The following SPATA17 variants were observed in gnomAD, a reference collection of about 807,000 sequenced individuals.
The protein encoded by SPATA17 is spermatogenesis-associated protein 17.
A neutral mutation model predicts 62.2 loss-of-function variants in SPATA17; 53 were observed. That is an observed-to-expected ratio of 0.85 (90% CI 0.68 to 1.07). The LOEUF (loss-of-function observed/expected upper bound fraction) is 1.07, where lower values mean the gene tolerates loss of function less well. SPATA17 is among the 50% of genes least tolerant of loss of function. The pLI, the probability that SPATA17 is intolerant of heterozygous loss-of-function variation, is 0.00. For synonymous variants in SPATA17, 146 were observed against 146.8 expected, an observed-to-expected ratio of 0.99 and a Z score of 0.04; for missense variants, 466 against 425.5, an observed-to-expected ratio of 1.10 and a Z score of -0.84.
At chr1:217,770,254 T>G (rs1673407273) in intron 6 of SPATA17, among the ~76,000 whole-genome samples, 1 of 152,208 alleles carries the variant, frequency 6.6e-6, no homozygotes, top group African/African-American at 2.4e-5. Context: ...AAATTTTTAA[T>G]CAAGAGGCAA....
intron 5 of SPATA17, among the ~76,000 whole-genome samples, chr1:217,714,746 A>G (rs1367249205): frequency 6.6e-6 from 1 of 151,950 alleles, no homozygotes; most frequent in Non-Finnish European, 1.5e-5. Context: ...CGGCCTCCCA[A>G]AGTGCTGGGA....
intron 6 of SPATA17, among the ~76,000 whole-genome samples, chr1:217,766,585 T>C (rs961201340): frequency 2.6e-5 from 4 of 152,078 alleles, no homozygotes; most frequent in African/African-American, 9.7e-5. Flanking sequence ...CGCTATTATT[T>C]TGAACAAACT....
At chr1:217,824,797 G>A (rs1302566866) in intron 9 of SPATA17, among the ~76,000 whole-genome samples, 2 of 150,726 alleles carry the variant, frequency 1.3e-5, no homozygotes, top group African/African-American at 2.4e-5. Flanking sequence ...AAACTTTTAG[G>A]TTAATAATAT....
chr1:217,843,484 A>C (rs1675457852), intron 9 of SPATA17, among the ~76,000 whole-genome samples: 1 of 151,988 alleles, frequency 6.6e-6, no homozygotes, highest in African/African-American at 2.4e-5. Context: ...TGATACATGG[A>C]ATATATCATG....
intron 9 of SPATA17, among the ~76,000 whole-genome samples, chr1:217,805,362 A>G (rs907230371): frequency 6.6e-6 from 1 of 152,184 alleles, no homozygotes; most frequent in Non-Finnish European, 1.5e-5. Context: ...AATGGTGGTT[A>G]CTAGGAACTT....
intron 3 of SPATA17, among the ~76,000 whole-genome samples, chr1:217,663,234 C>G (rs1456108723): frequency 1.3e-5 from 2 of 152,046 alleles, no homozygotes; most frequent in Non-Finnish European, 2.9e-5. Context: ...CACCTGAGGT[C>G]AGGAGTTCGA....
intron 5 of SPATA17, among the ~76,000 whole-genome samples, chr1:217,688,212 G>A (rs551252781): frequency 6.6e-6 from 1 of 151,936 alleles, no homozygotes; most frequent in Non-Finnish European, 1.5e-5. Context: ...ATTCCAGCTG[G>A]GGCAACAGAG....
chr1:217,671,820 T>C (rs545386505), intron 4 of SPATA17, among the ~76,000 whole-genome samples: 38 of 152,286 alleles, frequency 2.5e-4, no homozygotes, highest in African/African-American at 9.1e-4. Flanking sequence ...CACATAAATG[T>C]TACTATGGGA....
At chr1:217,639,244 A>G (rs1571697245) in intron 1 of SPATA17, among the ~76,000 whole-genome samples, 1 of 152,172 alleles carries the variant, frequency 6.6e-6, no homozygotes, top group African/African-American at 2.4e-5. Flanking sequence ...CAAGGAAATG[A>G]ATGCCCTTTC....
chr1:217,681,397 C>T lies in SPATA17; in HGVS notation c.292-1861C>T, dbSNP rs990936159. 2.6e-5 allele frequency among the ~76,000 whole-genome samples: 4 copies of T among 151,468 alleles called. No individual in the cohort carries two copies. The Middle Eastern group carries it at 0.014, about 515-fold the overall frequency. On this transcript the variant is annotated intron_variant, in intron 4 of 10. Coordinates refer to ENST00000366933, the MANE Select transcript of SPATA17 (RefSeq NM_138796.4). ...TTAATATCTTTTTTTCTTTTGAGAC[C>T]GAGTCTCGCTCTGTCGCCCAGGCTG...
intron 5 of SPATA17, among the ~76,000 whole-genome samples, chr1:217,689,678 G>A (rs1044838464): frequency 6.6e-6 from 1 of 152,158 alleles, no homozygotes; most frequent in African/African-American, 2.4e-5. Context: ...CTGAGATCCA[G>A]TGCACCTTCC....
At chr1:217,673,046 G>GT (rs945795123) in intron 4 of SPATA17, among the ~76,000 whole-genome samples, 1 of 152,016 alleles carries the variant, frequency 6.6e-6, no homozygotes, top group African/African-American at 2.4e-5. Context: ...ACTTTAACAC[G>GT]TTTTTTCTAA....
At chr1:217,774,629 T>A (rs1420889877) in intron 7 of SPATA17, 92 bp downstream of exon 7, 1 of 1,051,918 alleles carries the variant, frequency 9.5e-7, no homozygotes, top group African/African-American at 1.6e-5. Flanking sequence ...TTAACCATTT[T>A]TAATTATATA....
intron 9 of SPATA17, chr1:217,850,304 A>G (rs1675619443): frequency 4.2e-6 from 2 of 472,910 alleles, no homozygotes. Flanking sequence ...AGGTTCAACT[A>G]TTACTGAAAC....
chr1:217,634,194 G>C (rs1669886072), intron 1 of SPATA17, among the ~76,000 whole-genome samples: 1 of 152,184 alleles, frequency 6.6e-6, no homozygotes, highest in African/African-American at 2.4e-5. Flanking sequence ...CTGTTGCCTA[G>C]ACAGAGCCAA....
At chr1:217,804,591 C>T (rs577801419) in intron 9 of SPATA17, among the ~76,000 whole-genome samples, 80 of 152,024 alleles carry the variant, frequency 5.3e-4, no homozygotes, top group Non-Finnish European at 8.8e-4. Context: ...TGATCAACAG[C>T]GTAAAGAGAC....
At chr1:217,794,510 G>T (rs1674087716) in intron 8 of SPATA17, among the ~76,000 whole-genome samples, 2 of 152,152 alleles carry the variant, frequency 1.3e-5, no homozygotes, top group East Asian at 3.8e-4. Flanking sequence ...CTTGTGAGCT[G>T]CATATGGCCT....
At chr1:217,723,254 G>C (rs1672182026) in intron 5 of SPATA17, among the ~76,000 whole-genome samples, 1 of 152,098 alleles carries the variant, frequency 6.6e-6, no homozygotes. Context: ...AAAGTAAAAG[G>C]ATTGGGATCA....
At chr1:217,798,462 T>C (rs1317130419) in intron 8 of SPATA17, among the ~76,000 whole-genome samples, 2 of 152,252 alleles carry the variant, frequency 1.3e-5, no homozygotes, top group African/African-American at 4.8e-5. Context: ...TAGTCACTTA[T>C]TGTTTAAGAG....
Sources: gnomAD v4.1 joint callset for allele counts (sites outside exome capture counted in the v4.1 genomes callset) on GRCh38, gnomAD v4.1.1 for gene constraint, MANE v1.5 for transcripts, NCBI Gene and HGNC (gene_info 2026-07-23, HGNC 2026-07-21) for gene names.